The following TJP1 variants were observed in gnomAD, a reference collection of about 807,000 sequenced individuals.
The protein encoded by TJP1 is tight junction protein 1.
TJP1 carries 43 observed loss-of-function variants against 194.2 expected under a neutral mutation model. That is an observed-to-expected ratio of 0.22 (90% CI 0.17 to 0.29). TJP1 has a LOEUF of 0.29. TJP1 is among the 10% of genes least tolerant of loss of function. The probability of loss-of-function intolerance (pLI) is 1.00; values close to 1 mark genes in which losing one functional copy is unlikely to be tolerated. For synonymous variants in TJP1, 801 were observed against 779.0 expected (o/e 1.03, Z -0.47); for missense variants, 1,971 against 2,185.7 (o/e 0.90, Z 1.96).
chr15:29,834,181 G>C (rs1003640496), intron 2 of TJP1, among the ~76,000 whole-genome samples: 1 of 147,132 alleles, frequency 6.8e-6, no homozygotes, highest in Non-Finnish European at 1.5e-5. Flanking sequence ...GGGCCCGGCC[G>C]TAAGTATATT....
chr15:29,710,809 T>C (rs755247444), intron 24 of TJP1, 22 bp downstream of exon 24: 11 of 1,613,616 alleles, frequency 6.8e-6, no homozygotes, highest in Non-Finnish European at 8.5e-6. Flanking sequence ...TGTGTTAAAA[T>C]GTCTACTTCC....
chr15:29,810,948 G>A (rs2049453746), intron 1 of TJP1, among the ~76,000 whole-genome samples: 1 of 152,168 alleles, frequency 6.6e-6, no homozygotes, highest in African/African-American at 2.4e-5. Flanking sequence ...TTGTTCTCAA[G>A]GAGCTTACAG....
At chr15:29,839,287 C>T (rs563313988) in intron 2 of TJP1, among the ~76,000 whole-genome samples, 150 of 152,080 alleles carry the variant, frequency 9.9e-4, no homozygotes, top group African/African-American at 3.4e-3. Context: ...TGTGAGCCAC[C>T]GCACCCGGCC....
At chr15:29,887,473 G>A (rs1004779814) in intron 2 of TJP1, among the ~76,000 whole-genome samples, 38 of 151,494 alleles carry the variant, frequency 2.5e-4, no homozygotes, top group African/African-American at 8.0e-4. Context: ...CTAATTTTTT[G>A]TATTTTAAAT....
intron 2 of TJP1, among the ~76,000 whole-genome samples, chr15:29,902,583 CA>C (rs987339167): frequency 2.6e-5 from 4 of 152,078 alleles, no homozygotes; most frequent in African/African-American, 9.7e-5. Context: ...TCTGTATGAA[CA>C]AAATTCCTTT....
At chr15:29,781,572 T>C (rs1387122827) in intron 2 of TJP1, among the ~76,000 whole-genome samples, 1 of 152,072 alleles carries the variant, frequency 6.6e-6, no homozygotes, top group East Asian at 1.9e-4. Flanking sequence ...CTCAACAAAA[T>C]ACTAGCAAGC....
rs776415895 is a variant in TJP1, at chr15:29,773,211, C to T, written c.209+22G>A. On this transcript the variant is annotated intron_variant, in intron 3 of 27. Transcript: ENST00000614355. ...AGGAACACTGCTTGTTGCACAGTGC[C>T]CACGATAAGCAGCACTCTTACTGTA... 3.1e-6 allele frequency: 5 copies of T among 1,612,620 alleles called. No homozygotes were observed. In the Admixed American group the frequency reaches 8.3e-5, roughly 27 times the overall value.
intron 1 of TJP1, among the ~76,000 whole-genome samples, chr15:29,816,510 CAA>C (rs962083834): frequency 5.9e-5 from 9 of 152,120 alleles, no homozygotes; most frequent in African/African-American, 2.2e-4. Flanking sequence ...TCTAAAATGC[CAA>C]ACACACACAA....
At chr15:29,746,614 T>G (rs1566945260) in intron 8 of TJP1, among the ~76,000 whole-genome samples, 1 of 152,000 alleles carries the variant, frequency 6.6e-6, no homozygotes, top group Admixed American at 6.6e-5. Context: ...TTTACAGTTA[T>G]CTCTACTATT....
intron 15 of TJP1, chr15:29,728,227 GA>G (rs1203103483): frequency 1.4e-4 from 59 of 434,102 alleles, no homozygotes; most frequent in Non-Finnish European, 2.1e-4. Context: ...TAATATTCTG[GA>G]AAAAAACTTA....
intron 2 of TJP1, among the ~76,000 whole-genome samples, chr15:29,855,528 T>C (rs1340063878): frequency 6.6e-6 from 1 of 152,078 alleles, no homozygotes; most frequent in Non-Finnish European, 1.5e-5. Context: ...TTCCATATCA[T>C]AATTAAAAAA....
intron 2 of TJP1, among the ~76,000 whole-genome samples, chr15:29,946,585 C>G (rs1234954231): frequency 6.6e-6 from 1 of 152,220 alleles, no homozygotes; most frequent in Non-Finnish European, 1.5e-5. Context: ...CATGAAGAAA[C>G]ACTCGATGGA....
intron 2 of TJP1, among the ~76,000 whole-genome samples, chr15:29,949,496 TCCACAACCA>T (rs1555458914): frequency 2.9e-4 from 11 of 37,484 alleles, no homozygotes; most frequent in Admixed American, 6.2e-4. Flanking sequence ...CACCTCCACC[TCCACAACCA>T]CCACCTCCAC....
chr15:29,839,771 AATG>A (rs2051159050), intron 2 of TJP1, among the ~76,000 whole-genome samples: 1 of 152,236 alleles, frequency 6.6e-6, no homozygotes, highest in Non-Finnish European at 1.5e-5. Flanking sequence ...TAAGAATTGA[AATG>A]ATAAGTTGTA....
chr15:29,775,134 T>C (rs2046934090), intron 2 of TJP1, among the ~76,000 whole-genome samples: 1 of 152,166 alleles, frequency 6.6e-6, no homozygotes, highest in African/African-American at 2.4e-5. Flanking sequence ...TCCCCACCCA[T>C]TAGTTACTCA....
chr15:29,890,462 A>G (rs905392220), intron 2 of TJP1, among the ~76,000 whole-genome samples: 3 of 152,182 alleles, frequency 2.0e-5, no homozygotes, highest in Non-Finnish European at 4.4e-5. Flanking sequence ...AAAAGCAATT[A>G]CATATGTTTC....
rs530510945 is a variant in TJP1, at chr15:29,799,823, T to C, written c.84+823A>G. Among the ~76,000 whole-genome samples, 6 of 152,324 alleles carry C rather than the reference T, an allele frequency of 3.9e-5. No individual in the cohort carries two copies. In the East Asian group the frequency reaches 1.2e-3, roughly 29 times the overall value. The stretch of plus-strand genomic sequence containing the variant: ...GTCCAGCAACATGATTCTTTCCCCT[T>C]TCCATCTTCCTAATAATGGATATAG... On this transcript the variant is annotated intron_variant, in intron 2 of 27. Transcript: ENST00000614355.
At position 29,822,244 on chromosome 15, in the gene TJP1, C is replaced by A; in HGVS notation, c.-216G>T. 8.5e-7 allele frequency: 1 copy of A among 1,171,458 alleles called. No homozygotes were observed. The highest frequency in any genetic ancestry group is 1.6e-5 in the African/African-American group (1 of 62,460). 72.6% of individuals were successfully genotyped at this position (1,171,458 alleles called of 1,614,324 possible). A position where few individuals can be genotyped will look rare whatever the true frequency, so the allele number is the denominator to read the frequency against. ...CCGCCCGGGTCTTCTCCACGGGGCG[C>A]GCCCGACCGGCACCTCCCTCCGAGC... On this transcript the variant is annotated 5_prime_UTR_variant, in exon 1 of 28. Coordinates refer to ENST00000614355, the MANE Select transcript of TJP1 (RefSeq NM_001330239.4).
intron 5 of TJP1, among the ~76,000 whole-genome samples, chr15:29,764,290 T>C (rs1255592714): frequency 6.6e-6 from 1 of 152,116 alleles, no homozygotes; most frequent in Non-Finnish European, 1.5e-5. Context: ...CTGAAGGGTA[T>C]GTTTGTGGGG....
Sources: gnomAD v4.1 joint callset for allele counts (sites outside exome capture counted in the v4.1 genomes callset) on GRCh38, gnomAD v4.1.1 for gene constraint, MANE v1.5 for transcripts, NCBI Gene and HGNC (gene_info 2026-07-23, HGNC 2026-07-21) for gene names.